Variants in HEMK2 observed in about 807,000 individuals in gnomAD.
The protein encoded by HEMK2 is methyltransferase HEMK2.
chr21:28,675,272 A>G, the HEMK2 span, among the ~76,000 whole-genome samples: 1 of 152,194 alleles, frequency 6.6e-6, no homozygotes, highest in African/African-American at 2.4e-5. Context: ...ATTTATTCAA[A>G]CATGATAATA....
the HEMK2 span, among the ~76,000 whole-genome samples, chr21:28,621,255 G>A: frequency 1.3e-5 from 2 of 151,962 alleles, no homozygotes; most frequent in African/African-American, 2.4e-5. Flanking sequence ...AGAGATTCTG[G>A]TACATTATGT....
the HEMK2 span, among the ~76,000 whole-genome samples, chr21:28,614,416 A>T: frequency 9.3e-6 from 1 of 107,018 alleles, no homozygotes; most frequent in East Asian, 3.3e-4. Flanking sequence ...TTCATACATT[A>T]AAAAAAAAAC....
At chr21:28,615,265 T>C in the HEMK2 span, among the ~76,000 whole-genome samples, 2 of 151,754 alleles carry the variant, frequency 1.3e-5, no homozygotes, top group Non-Finnish European at 2.9e-5. Flanking sequence ...AAGAAAGAAA[T>C]ACATTCTTCG....
At chr21:28,730,307 G>T in the HEMK2 span, among the ~76,000 whole-genome samples, 1 of 151,818 alleles carries the variant, frequency 6.6e-6, no homozygotes, top group African/African-American at 2.4e-5. Flanking sequence ...CTTGAGCCTG[G>T]GAGGTCAAGG....
chr21:28,882,137 T>C, the HEMK2 span: 1 of 1,539,660 alleles, frequency 6.5e-7, no homozygotes, highest in Non-Finnish European at 8.8e-7. Context: ...AAGAAAATTA[T>C]TACTGGACAA....
the HEMK2 span, among the ~76,000 whole-genome samples, chr21:28,669,287 A>G: frequency 6.6e-6 from 1 of 151,112 alleles, no homozygotes; most frequent in Non-Finnish European, 1.5e-5. Flanking sequence ...TGAACCCAAG[A>G]GGCGGGGGCT....
the HEMK2 span, among the ~76,000 whole-genome samples, chr21:28,709,659 T>C: frequency 2.0e-5 from 3 of 152,268 alleles, no homozygotes; most frequent in Middle Eastern, 3.4e-3. Flanking sequence ...CTGTCTTCCT[T>C]TCTTCCACCC....
At chr21:28,650,093 A>T in the HEMK2 span, among the ~76,000 whole-genome samples, 1 of 152,150 alleles carries the variant, frequency 6.6e-6, no homozygotes, top group African/African-American at 2.4e-5. Context: ...AGAGGCAGGG[A>T]GTTCAGACAA....
the HEMK2 span, among the ~76,000 whole-genome samples, chr21:28,770,672 C>T: frequency 4.4e-4 from 42 of 95,900 alleles, no homozygotes; most frequent in African/African-American, 1.3e-3. Context: ...GCAAGTTCAG[C>T]TCTCTCTCTC....
the HEMK2 span, among the ~76,000 whole-genome samples, chr21:28,681,757 A>T: frequency 6.6e-6 from 1 of 151,082 alleles, no homozygotes; most frequent in Non-Finnish European, 1.5e-5. Context: ...CATATTTACA[A>T]CTATCTGATT....
At chr21:28,601,237 A>C in the HEMK2 span, among the ~76,000 whole-genome samples, 1 of 152,102 alleles carries the variant, frequency 6.6e-6, no homozygotes, top group African/African-American at 2.4e-5. Context: ...TCCCAGCACT[A>C]CCATCTCACT....
chr21:28,852,188 T>G, the HEMK2 span, among the ~76,000 whole-genome samples: 1 of 152,344 alleles, frequency 6.6e-6, no homozygotes, highest in East Asian at 1.9e-4. Flanking sequence ...TTTGATTTAC[T>G]ATTTTTCTAG....
chr21:28,608,307 G>T, the HEMK2 span, among the ~76,000 whole-genome samples: 4 of 151,022 alleles, frequency 2.6e-5, no homozygotes, highest in South Asian at 8.4e-4. Context: ...TCACTTTAGG[G>T]TATCAATTGC....
chr21:28,822,327 T>C, the HEMK2 span, among the ~76,000 whole-genome samples: 1 of 152,210 alleles, frequency 6.6e-6, no homozygotes, highest in Non-Finnish European at 1.5e-5. Flanking sequence ...GTTTGACTAT[T>C]TTAATCATTT....
the HEMK2 span, among the ~76,000 whole-genome samples, chr21:28,836,199 G>C: frequency 6.6e-6 from 1 of 152,242 alleles, no homozygotes; most frequent in Middle Eastern, 3.4e-3. Flanking sequence ...CTTATCCAAA[G>C]TTAAGACGAA....
chr21:28,780,016 C>A, the HEMK2 span, among the ~76,000 whole-genome samples: 29 of 152,166 alleles, frequency 1.9e-4, no homozygotes, highest in Middle Eastern at 3.4e-3. Context: ...ACAAAAAAAA[C>A]CCCACAAACT....
the HEMK2 span, among the ~76,000 whole-genome samples, chr21:28,815,767 A>C: frequency 4.6e-5 from 7 of 152,230 alleles, no homozygotes; most frequent in Non-Finnish European, 8.8e-5. Context: ...AGTCCAACCA[A>C]CTAAATAACT....
chr21:28,746,816 G>T, the HEMK2 span, among the ~76,000 whole-genome samples: 6 of 152,182 alleles, frequency 3.9e-5, no homozygotes, highest in African/African-American at 1.4e-4. Flanking sequence ...AGAAGGGAAG[G>T]GAGAGGGTGG....
chr21:28,628,549 T>G, the HEMK2 span, among the ~76,000 whole-genome samples: 2 of 152,186 alleles, frequency 1.3e-5, no homozygotes, highest in African/African-American at 2.4e-5. Flanking sequence ...CCTCCTGGGT[T>G]CAAGTGATTC....
Sources: allele counts gnomAD v4.1 joint callset (sites outside exome capture counted in the v4.1 genomes callset), GRCh38; gene constraint gnomAD v4.1.1; transcripts MANE v1.5; gene names NCBI Gene and HGNC (gene_info 2026-07-23, HGNC 2026-07-21).